ATP9B: variants seen among roughly 807,000 people sequenced by gnomAD.
ATP9B encodes the protein probable phospholipid-transporting ATPase IIB.
A neutral mutation model predicts 146.1 loss-of-function variants in ATP9B; 110 were observed. That is an observed-to-expected ratio of 0.75 (90% confidence interval 0.65 to 0.88). ATP9B has a LOEUF of 0.88. ATP9B is among the 40% of genes least tolerant of loss of function. The pLI, the probability that ATP9B is intolerant of heterozygous loss-of-function variation, is 0.00. For synonymous variants in ATP9B, 604 were observed against 569.7 expected (o/e 1.06, Z -0.86); for missense variants, 1,499 against 1,496.4 (o/e 1.00, Z -0.03).
intron 12 of ATP9B, among the ~76,000 whole-genome samples, chr18:79,269,512 A>G (rs1422955917): frequency 6.6e-6 from 1 of 152,112 alleles, no homozygotes; most frequent in Non-Finnish European, 1.5e-5. Context: ...ATTTTTATGT[A>G]TCCGTTTGTT....
chr18:79,347,397 C>T (rs1568776432), intron 23 of ATP9B, among the ~76,000 whole-genome samples: 1 of 151,960 alleles, frequency 6.6e-6, no homozygotes. Context: ...GGGGTGTCCT[C>T]CCACAGGGCT....
chr18:79,205,359 A>G (rs2095524325), intron 9 of ATP9B, among the ~76,000 whole-genome samples: 4 of 62,550 alleles, frequency 6.4e-5, no homozygotes, highest in Admixed American at 5.9e-4. Flanking sequence ...CCAAAATTAC[A>G]TCATCTGAAA....
At position 79,256,257 on chromosome 18, in the gene ATP9B, C is replaced by CCATA. The variant is rs1262664506; in HGVS notation, c.1268+2716_1268+2717insCATA. On this transcript the variant is annotated intron_variant, in intron 12 of 29. Coordinates refer to ENST00000426216, the MANE Select transcript of ATP9B (RefSeq NM_198531.5). ...ATGCCATTTTGTGAATTCTAGCTAG[C>CCATA]TATATATATATATATATATATATAT... is the stretch of plus-strand genomic sequence containing the variant. Among the ~76,000 whole-genome samples the CCATA allele has an allele frequency of 5.3e-4, 53 of 100,348 alleles. 2 individuals carry two copies. The highest frequency in any genetic ancestry group is 6.5e-4 in the African/African-American group (14 of 21,610). 65.8% of individuals were successfully genotyped at this position (100,348 alleles called of 152,430 possible).
At chr18:79,138,939 G>A (rs1254952827) in intron 5 of ATP9B, among the ~76,000 whole-genome samples, 3 of 152,060 alleles carry the variant, frequency 2.0e-5, no homozygotes, top group Admixed American at 6.6e-5. Context: ...GTGGTGGTGC[G>A]TACTTGTAGT....
intron 10 of ATP9B, among the ~76,000 whole-genome samples, chr18:79,212,661 T>C (rs2095595117): frequency 6.6e-6 from 1 of 152,212 alleles, no homozygotes; most frequent in South Asian, 2.1e-4. Flanking sequence ...TGTGAAGTAA[T>C]TCTATGATCT....
chr18:79,350,560 G>A (rs571663801), intron 25 of ATP9B, among the ~76,000 whole-genome samples: 31 of 152,316 alleles, frequency 2.0e-4, no homozygotes, highest in Admixed American at 1.9e-3. Context: ...ACCAAAGAAT[G>A]TCCCAGCAAC....
chr18:79,265,624 T>G (rs1378340882), intron 12 of ATP9B, among the ~76,000 whole-genome samples: 2 of 152,194 alleles, frequency 1.3e-5, no homozygotes, highest in Non-Finnish European at 2.9e-5. Flanking sequence ...GCAAAAAAAT[T>G]TTCTCCCACT....
chr18:79,109,996 A>G (rs1417917852), intron 2 of ATP9B, among the ~76,000 whole-genome samples: 2 of 152,214 alleles, frequency 1.3e-5, no homozygotes, highest in East Asian at 3.8e-4. Context: ...GACCTTTATC[A>G]TTGAAAAGTG....
chr18:79,244,296 G>A (rs1012072619), intron 11 of ATP9B, among the ~76,000 whole-genome samples: 11 of 152,128 alleles, frequency 7.2e-5, no homozygotes, highest in Non-Finnish European at 1.3e-4. Flanking sequence ...CTTTGCTTGT[G>A]GAAAGGAATG....
chr18:79,280,355 A>C (rs1014299832), intron 13 of ATP9B, among the ~76,000 whole-genome samples: 1 of 152,232 alleles, frequency 6.6e-6, no homozygotes, highest in Non-Finnish European at 1.5e-5. Context: ...ATGTAGACCA[A>C]TATGAATCAG....
chr18:79,367,906 C>T (rs1252511875), intron 26 of ATP9B, among the ~76,000 whole-genome samples: 2 of 152,258 alleles, frequency 1.3e-5, no homozygotes, highest in African/African-American at 4.8e-5. Flanking sequence ...GAGGCGCTGG[C>T]CAGATCACAG....
intron 11 of ATP9B, among the ~76,000 whole-genome samples, chr18:79,241,667 A>T (rs2095890374): frequency 6.6e-6 from 1 of 152,228 alleles, no homozygotes; most frequent in South Asian, 2.1e-4. Flanking sequence ...TTTCGTCATT[A>T]TGCAGCATGC....
chr18:79,181,252 C>T (rs1040423071), intron 8 of ATP9B, among the ~76,000 whole-genome samples: 7 of 152,150 alleles, frequency 4.6e-5, no homozygotes, highest in African/African-American at 1.7e-4. Context: ...ATCCTCTGTG[C>T]CTTTTTCTGT....
intron 4 of ATP9B, among the ~76,000 whole-genome samples, chr18:79,123,649 A>C (rs1317642860): frequency 3.0e-4 from 45 of 152,182 alleles, no homozygotes; most frequent in Non-Finnish European, 2.9e-5. Context: ...AAGTTGGAGA[A>C]CTCACACTTT....
intron 8 of ATP9B, among the ~76,000 whole-genome samples, chr18:79,192,686 C>A (rs541644087): frequency 6.6e-6 from 1 of 152,322 alleles, no homozygotes; most frequent in East Asian, 1.9e-4. Context: ...GTGATTCAGA[C>A]ACACAGGACA....
intron 17 of ATP9B, among the ~76,000 whole-genome samples, chr18:79,332,397 C>CCG (rs1221356385): frequency 7.9e-5 from 12 of 152,266 alleles, no homozygotes; most frequent in Non-Finnish European, 8.8e-5. Flanking sequence ...ACACTGCACT[C>CCG]CAGCCTGGGC....
chr18:79,240,428 G>T (rs930613996), intron 11 of ATP9B, among the ~76,000 whole-genome samples: 2 of 152,220 alleles, frequency 1.3e-5, no homozygotes, highest in Non-Finnish European at 2.9e-5. Context: ...TTTATTTCAT[G>T]AGCCTAATGG....
intron 1 of ATP9B, among the ~76,000 whole-genome samples, chr18:79,088,126 G>C (rs928734972): frequency 6.6e-6 from 1 of 152,210 alleles, no homozygotes; most frequent in South Asian, 2.1e-4. Context: ...TTGCTTGCCA[G>C]TTCAAAGGCT....
At chr18:79,340,691 C>G (rs1010212914) in intron 19 of ATP9B, among the ~76,000 whole-genome samples, 1 of 152,088 alleles carries the variant, frequency 6.6e-6, no homozygotes, top group Non-Finnish European at 1.5e-5. Context: ...ATTAAATATC[C>G]TGATATTTTA....
Sources: allele counts gnomAD v4.1 joint callset (sites outside exome capture counted in the v4.1 genomes callset), GRCh38; gene constraint gnomAD v4.1.1; transcripts MANE v1.5; gene names NCBI Gene and HGNC (gene_info 2026-07-23, HGNC 2026-07-21).